TBC1D13: variants seen among roughly 807,000 people sequenced by gnomAD.
TBC1D13 encodes the protein epididymis secretory sperm binding protein.
In TBC1D13, 40 loss-of-function variants were observed where a neutral mutation model predicts 53.6. That is an observed-to-expected ratio of 0.75 (90% CI 0.58 to 0.97). TBC1D13 has a LOEUF of 0.97. Among genes scored for constraint, TBC1D13 ranks in the 50% least tolerant of loss-of-function variants. The pLI, the probability that TBC1D13 is intolerant of heterozygous loss-of-function variation, is 0.00. For missense variants in TBC1D13, 377 were observed against 499.4 expected (o/e 0.75, Z 2.34); for synonymous variants, 182 against 197.7 (o/e 0.92, Z 0.67).
intron 2 of TBC1D13, chr9:128,789,724 A>G (rs959843060): frequency 6.6e-6 from 1 of 151,342 alleles, no homozygotes; most frequent in Non-Finnish European, 1.5e-5. Context: ...ACTGGGAATA[A>G]TAGATGTGGT....
chr9:128,796,922 C>CAAG, intron 6 of TBC1D13, 133 bp from the exon 7 acceptor site: 1 of 977,362 alleles, frequency 1.0e-6, no homozygotes, highest in Middle Eastern at 2.5e-4. Flanking sequence ...GGCGACAGTG[C>CAAG]AAGACTCCAT....
chr9:128,803,901 G>A (rs1829780548), intron 8 of TBC1D13, 55 bp from the exon 9 acceptor site: 17 of 1,598,882 alleles, frequency 1.1e-5, no homozygotes, highest in Non-Finnish European at 1.4e-5. Context: ...TGGTAGGTGA[G>A]AGGTGGGGTG....
chr9:128,799,189 G>T (rs941379823), intron 7 of TBC1D13, among the ~76,000 whole-genome samples: 1 of 152,212 alleles, frequency 6.6e-6, no homozygotes, highest in Non-Finnish European at 1.5e-5. Context: ...TTTCCTGGCT[G>T]AAGGGCCGGG....
At position 128,807,959 on chromosome 9, in the gene TBC1D13, A is replaced by G; in HGVS notation, c.*80A>G. ...GCTCCCGGGACACATAGAAACCTGT[A>G]GGAACCCAGCCTGAGGGGAAGCCAC... On this transcript the variant is annotated 3_prime_UTR_variant, in exon 12 of 12. Coordinates refer to ENST00000372648, the MANE Select transcript of TBC1D13 (RefSeq NM_018201.5). The G allele has an allele frequency of 1.4e-6, 2 of 1,399,718 alleles. No homozygotes were observed. The highest frequency in any genetic ancestry group is 1.2e-5 in the South Asian group (1 of 85,476). 86.7% of individuals were successfully genotyped at this position (1,399,718 alleles called of 1,614,324 possible). A position where few individuals can be genotyped will look rare whatever the true frequency, so the allele number is the denominator to read the frequency against.
chr9:128,805,358 T>C (rs976712909), intron 9 of TBC1D13, among the ~76,000 whole-genome samples: 3 of 152,186 alleles, frequency 2.0e-5, no homozygotes, highest in Admixed American at 1.3e-4. Context: ...ATGCTTTTGC[T>C]GTTTTGTAGC....
chr9:128,803,897 G>A (rs1829780501), intron 8 of TBC1D13, 59 bp from the exon 9 acceptor site: 1 of 1,595,618 alleles, frequency 6.3e-7, no homozygotes, highest in Non-Finnish European at 8.5e-7. Flanking sequence ...TGTCTGGTAG[G>A]TGAGAGGTGG....
intron 2 of TBC1D13, among the ~76,000 whole-genome samples, 159 bp downstream of exon 2, chr9:128,788,566 G>A (rs1359420837): frequency 6.6e-6 from 1 of 152,192 alleles, no homozygotes; most frequent in Admixed American, 6.5e-5. Flanking sequence ...TCCAGATTCT[G>A]TAGAGCTGAA....
rs1442596965 is a variant in TBC1D13, at chr9:128,792,475, T to G, written c.301-17T>G. 1 of 1,613,468 alleles carries G rather than the reference T, an allele frequency of 6.2e-7. No individual in the cohort carries two copies. The highest frequency in any genetic ancestry group is 8.5e-7 in the Non-Finnish European group (1 of 1,179,504). On this transcript the variant is annotated splice_polypyrimidine_tract_variant and intron_variant, in intron 5 of 11. Coordinates refer to ENST00000372648, the MANE Select transcript of TBC1D13 (RefSeq NM_018201.5). ...CTAGCTGGGCCTTGGACAGAGCATC[T>G]TCATTTCTCCCCACAGCCACTCAAC... is the stretch of plus-strand genomic sequence containing the variant.
intron 2 of TBC1D13, among the ~76,000 whole-genome samples, chr9:128,788,649 T>C (rs552294514): frequency 4.6e-5 from 7 of 152,274 alleles, no homozygotes; most frequent in Admixed American, 1.3e-4. Flanking sequence ...GCCCTAAGCT[T>C]TCCTAAGCTT....
chr9:128,797,335 A>G (rs550037066), intron 7 of TBC1D13, 121 bp downstream of exon 7: 50 of 1,043,910 alleles, frequency 4.8e-5, no homozygotes, highest in South Asian at 2.6e-4. Context: ...ACTCAGCGCA[A>G]TCCTGATGCT....
chr9:128,789,726 A>G (rs1829493951), intron 2 of TBC1D13: 1 of 151,214 alleles, frequency 6.6e-6, no homozygotes, highest in East Asian at 1.9e-4. Flanking sequence ...TGGGAATAAT[A>G]GATGTGGTTT....
At chr9:128,801,119 C>T (rs986869477) in intron 7 of TBC1D13, among the ~76,000 whole-genome samples, 7 of 151,978 alleles carry the variant, frequency 4.6e-5, no homozygotes, top group Admixed American at 1.3e-4. Context: ...TTGCAGTGAG[C>T]CAAGATCACT....
chr9:128,792,459 C>T, intron 5 of TBC1D13, 33 bp from the exon 6 acceptor site: 2 of 1,608,770 alleles, frequency 1.2e-6, no homozygotes, highest in East Asian at 2.2e-5. Flanking sequence ...CCTAGCTGGG[C>T]CTTGGACAGA....
Position 128,808,261 on chromosome 9 carries a change from A to C in TBC1D13, c.*382A>C. The C allele has an allele frequency of 4.0e-6, 1 of 249,564 alleles. No individual in the cohort carries two copies. The highest frequency in any genetic ancestry group is 8.1e-6 in the Non-Finnish European group (1 of 123,030). The allele number at this position is 249,564 out of a possible 1,614,324, so 15.5% of individuals were successfully genotyped here. Reference sequence around the variant, plus strand: ...TCCACTCAGGGGAGGTGCTTGGCCAATGGGCCAGAAACCGCTTCTGAGCGG... The same window carrying C: ...TCCACTCAGGGGAGGTGCTTGGCCACTGGGCCAGAAACCGCTTCTGAGCGG... On this transcript the variant is annotated 3_prime_UTR_variant, in exon 12 of 12. Coordinates refer to ENST00000372648, the MANE Select transcript of TBC1D13 (RefSeq NM_018201.5).
chr9:128,803,544 C>A, intron 8 of TBC1D13, 84 bp downstream of exon 8: 1 of 1,303,700 alleles, frequency 7.7e-7, no homozygotes. Context: ...GGCCTCTGTT[C>A]TCCCTCTGCC....
In TBC1D13 at chr9:128,797,073, T is replaced by C. The variant is rs1184886600; in HGVS notation, c.402T>C (p.Ile134=). 2.5e-6 allele frequency: 4 copies of C among 1,614,036 alleles called. No individual in the cohort carries two copies. The highest frequency in any genetic ancestry group is 3.4e-6 in the Non-Finnish European group (4 of 1,179,964). Residue 134 remains isoleucine, a synonymous_variant, in exon 7 of 12, where the codon ATT becomes ATC. Transcript: ENST00000372648. ...TTGACAGGAGGTTGTGCCCAGACAT[T>C]TCCTTCTTCCAGAGGGCCACTGACT... ...DKDVRRLCPD[I]SFFQRATDYP... is the part of the protein sequence containing the mutation.
In TBC1D13 at chr9:128,792,517, G is replaced by A. The variant is rs868222595; in HGVS notation, c.326G>A (p.Arg109Gln). 4.3e-6 allele frequency: 7 copies of A among 1,613,966 alleles called. No individual in the cohort carries two copies. The Admixed American group carries it at 5.0e-5, about 12-fold the overall frequency. ...CCACTCAACCCCAACCCTGACAGCC[G>A]GTGGAACACGTACTTCAAGGACAAC... ...DHPLNPNPDSRWNTYFKDNEV... is the reference protein window; with the variant it reads ...DHPLNPNPDSQWNTYFKDNEV... Residue 109 changes from arginine (R) to glutamine (Q), a missense_variant, in exon 6 of 12, where the codon CGG becomes CAG. Physicochemically the swap from Arg to Gln is conservative, Grantham distance 43. Coordinates refer to ENST00000372648, the MANE Select transcript of TBC1D13 (RefSeq NM_018201.5).
intron 7 of TBC1D13, among the ~76,000 whole-genome samples, chr9:128,801,459 C>T (rs1049643739): frequency 1.3e-5 from 2 of 152,038 alleles, no homozygotes; most frequent in African/African-American, 4.8e-5. Context: ...GCGGGCGGAT[C>T]ACGAGGCCAG....
At chr9:128,787,690 C>T (rs1050459026) in intron 1 of TBC1D13, among the ~76,000 whole-genome samples, 2 of 143,556 alleles carry the variant, frequency 1.4e-5, no homozygotes, top group Non-Finnish European at 3.0e-5. Context: ...TCCCCCTGCT[C>T]CCGTACTCTC....
Sources: gnomAD v4.1 joint callset for allele counts (sites outside exome capture counted in the v4.1 genomes callset) on GRCh38, gnomAD v4.1.1 for gene constraint, MANE v1.5 for transcripts, NCBI Gene and HGNC (gene_info 2026-07-23, HGNC 2026-07-21) for gene names.